DYNC1H1: variants seen among roughly 807,000 people sequenced by gnomAD.
The protein encoded by DYNC1H1 is dynein cytoplasmic 1 heavy chain 1.
A neutral mutation model predicts 527.1 loss-of-function variants in DYNC1H1; 51 were observed. That is an observed-to-expected ratio of 0.10 (90% CI 0.08 to 0.12). The LOEUF is 0.12. DYNC1H1 is among the 10% of genes least tolerant of loss of function. The pLI is 1.00. For synonymous variants in DYNC1H1, 2,189 were observed against 2,278.8 expected (o/e 0.96, Z 1.12); for missense variants, 2,771 against 5,971.8 (o/e 0.46, Z 17.66).
chr14:102,036,567 G>C lies in DYNC1H1; in HGVS notation c.10833G>C (p.Arg3611=), dbSNP rs35143882. 3.7e-5 allele frequency: 59 copies of C among 1,613,992 alleles called. No homozygotes were observed. The Middle Eastern group carries it at 8.2e-4, about 22-fold the overall frequency. ...MNEYKDRKIT[R]TSFLDDAFRK... ...AATATAAGGATCGTAAGATCACACG[G>C]ACCAGCTTCCTGGATGACGCCTTCA... The change falls in exon 57 of 78, where the codon CGG becomes CGC. Residue 3611 remains arginine, a synonymous_variant. Coordinates refer to ENST00000360184, the MANE Select transcript of DYNC1H1 (RefSeq NM_001376.5). This position sits in a 1 kb window ranked among gnomAD's most constrained non-coding sequence, Gnocchi z 5.6.
Position 102,041,171 on chromosome 14 carries a change from A to T in DYNC1H1, c.11942-403A>T. 5.7e-6 allele frequency: 2 copies of T among 352,558 alleles called. No homozygotes were observed. The highest frequency in any genetic ancestry group is 1.1e-5 in the Non-Finnish European group (2 of 184,134). The allele number at this position is 352,558 out of a possible 1,614,324, so 21.8% of individuals were successfully genotyped here. ...TTAACTGGCTGTATTCATGCTGCAG[A>T]CAGGAATGGAATGCCATCAGCCGTT... On this transcript the variant is annotated intron_variant, in intron 64 of 77. Transcript: ENST00000360184. This position sits in a 1 kb window ranked among gnomAD's most constrained non-coding sequence, Gnocchi z 4.5.
rs2048312590 is a variant in DYNC1H1 at position 102,015,729 on chromosome 14, G to A, written c.7243-127G>A. ...CACCAGGGTGAAGGAATGAGGACTGGTCATTGAAGCTTCATCCAAAATGAG... is the reference window on the plus strand; with the variant it reads ...CACCAGGGTGAAGGAATGAGGACTGATCATTGAAGCTTCATCCAAAATGAG... On this transcript the variant is annotated intron_variant, in intron 35 of 77. Coordinates refer to ENST00000360184, the MANE Select transcript of DYNC1H1 (RefSeq NM_001376.5). This position sits in a 1 kb window ranked among gnomAD's most constrained non-coding sequence, Gnocchi z 6.9. 2.8e-6 allele frequency: 3 copies of A among 1,058,062 alleles called. No individual in the cohort carries two copies. The highest frequency in any genetic ancestry group is 4.2e-6 in the Non-Finnish European group (3 of 710,778). The allele number at this position is 1,058,062 out of a possible 1,614,324, so 65.5% of individuals were successfully genotyped here. A position where few individuals can be genotyped will look rare whatever the true frequency, so the allele number is the denominator to read the frequency against.
chr14:101,985,091 T>C lies in DYNC1H1; in HGVS notation c.1462-596T>C, dbSNP rs1400226507. Among the ~76,000 whole-genome samples, 1 of 151,852 alleles carries C rather than the reference T, an allele frequency of 6.6e-6. No individual in the cohort carries two copies. The highest frequency in any genetic ancestry group is 6.6e-5 in the Admixed American group (1 of 15,258). On this transcript the variant is annotated intron_variant, in intron 7 of 77. Transcript: ENST00000360184. This position sits in a 1 kb window ranked among gnomAD's most constrained non-coding sequence, Gnocchi z 5.9. ...CCATCCAAATCTTTAGTGTTTTCCA[T>C]CCATTTATCCCTTCCTCCATCTTGG...
chr14:102,002,876 G>A lies in DYNC1H1; in HGVS notation c.4794G>A (p.Gln1598=). The A allele has an allele frequency of 6.2e-7, 1 of 1,614,262 alleles. No individual in the cohort carries two copies. The highest frequency in any genetic ancestry group is 1.3e-5 in the African/African-American group (1 of 75,074). The change falls in exon 23 of 78, where the codon CAG becomes CAA. Residue 1598 remains glutamine, a synonymous_variant. Coordinates refer to ENST00000360184, the MANE Select transcript of DYNC1H1 (RefSeq NM_001376.5). This position sits in a 1 kb window ranked among gnomAD's most constrained non-coding sequence, Gnocchi z 4.4. ...ATGTTCTGAACATCCAGGGAGTACAGAGGTCTCTGGAAAGATTGGCAGACC... is the reference window on the plus strand; with the variant it reads ...ATGTTCTGAACATCCAGGGAGTACAAAGGTCTCTGGAAAGATTGGCAGACC... The part of the protein sequence containing the change: ...VMDVLNIQGV[Q]RSLERLADLL...
Position 102,001,304 on chromosome 14 carries a change from G to A in DYNC1H1, c.4345G>A (p.Val1449Ile), listed in dbSNP as rs754025510. Reference sequence around the variant, plus strand: ...GAAAAATGAAGCGATTGTCAAGGATGTACTGCTTGTGGCACAAGGGGAGAT... The same window carrying A: ...GAAAAATGAAGCGATTGTCAAGGATATACTGCTTGTGGCACAAGGGGAGAT... ...LQKNEAIVKD[V>I]LLVAQGEMAL... The change falls in exon 20 of 78, where the codon GTA becomes ATA. Residue 1449 changes from valine to isoleucine, a missense_variant. Around this residue, in one of 32 missense-constraint regions of DYNC1H1, gnomAD observed 223 missense variants for 462.5 expected, o/e 0.48. Coordinates refer to ENST00000360184, the MANE Select transcript of DYNC1H1 (RefSeq NM_001376.5). This position sits in a 1 kb window ranked among gnomAD's most constrained non-coding sequence, Gnocchi z 5.0. 4.3e-6 allele frequency: 7 copies of A among 1,614,204 alleles called. No individual in the cohort carries two copies. In the South Asian group the frequency reaches 6.6e-5, roughly 15 times the overall value.
rs764842673 is a variant in DYNC1H1, at chr14:101,983,051, T to C, written c.994T>C (p.Tyr332His). 5 of 1,614,116 alleles carry C rather than the reference T, an allele frequency of 3.1e-6. No individual in the cohort carries two copies. In the Admixed American group the frequency reaches 5.0e-5, roughly 16 times the overall value. The part of the protein sequence containing the change: ...LKQALETVND[Y>H]NPLMKDFPLN... The stretch of plus-strand genomic sequence containing the variant: ...ACAGGCTTTGGAAACTGTGAATGAC[T>C]ACAATCCTCTGATGAAAGATTTCCC... The change falls in exon 6 of 78, where the codon TAC (tyrosine) becomes CAC (histidine). Residue 332 changes from tyrosine (Y) to histidine (H), a missense_variant. Coordinates refer to ENST00000360184, the MANE Select transcript of DYNC1H1 (RefSeq NM_001376.5). This position sits in a 1 kb window ranked among gnomAD's most constrained non-coding sequence, Gnocchi z 5.3.
chr14:102,032,832 G>C, intron 52 of DYNC1H1: 1 of 585,764 alleles, frequency 1.7e-6, no homozygotes, highest in Non-Finnish European at 3.0e-6. Flanking sequence ...CAGCCTGGGT[G>C]ACAGAGAAAA....
At chr14:102,031,579 T>C (rs1052775559) in intron 51 of DYNC1H1, among the ~76,000 whole-genome samples, 6 of 152,190 alleles carry the variant, frequency 3.9e-5, no homozygotes, top group Non-Finnish European at 7.3e-5. Flanking sequence ...TCCCTCTAAA[T>C]TGTAGCAAAT....
Position 102,017,738 on chromosome 14 carries a change from G to A in DYNC1H1, c.8177+234G>A, listed in dbSNP as rs1433944359. 2 of 660,482 alleles carry A rather than the reference G, an allele frequency of 3.0e-6. No homozygotes were observed. The highest frequency in any genetic ancestry group is 4.9e-6 in the Non-Finnish European group (2 of 406,442). The allele number at this position is 660,482 out of a possible 1,614,324, so 40.9% of individuals were successfully genotyped here. On this transcript the variant is annotated intron_variant, in intron 40 of 77. Coordinates refer to ENST00000360184, the MANE Select transcript of DYNC1H1 (RefSeq NM_001376.5). This position sits in a 1 kb window ranked among gnomAD's most constrained non-coding sequence, Gnocchi z 4.6. Reference sequence around the variant, plus strand: ...TCCCAGCACTTTGGGAGGCCGAGGCGGGCGGATCACGAGGTCAGGAGATTG... The same window carrying A: ...TCCCAGCACTTTGGGAGGCCGAGGCAGGCGGATCACGAGGTCAGGAGATTG...
Position 102,042,803 on chromosome 14 carries a change from C to T in DYNC1H1, c.12513+55C>T. 1 of 1,594,788 alleles carries T rather than the reference C, an allele frequency of 6.3e-7. No homozygotes were observed. Among genetic ancestry groups the T allele is most frequent in the African/African-American group, 1.3e-5 (1 of 74,560 alleles). ...CCCCATAGAAGCTAAAGCCCAGTCC[C>T]ATCACCAAATGCAGAAGTGGGTCCC... On this transcript the variant is annotated intron_variant, in intron 69 of 77. Transcript: ENST00000360184. This position sits in a 1 kb window ranked among gnomAD's most constrained non-coding sequence, Gnocchi z 5.7.
In DYNC1H1 at chr14:102,027,973, A is replaced by G. The variant is rs148753855; in HGVS notation, c.9300A>G (p.Glu3100=). Residue 3100 remains glutamate (E), a synonymous_variant, in exon 48 of 78, where the codon GAA becomes GAG. Transcript: ENST00000360184. This position sits in a 1 kb window ranked among gnomAD's most constrained non-coding sequence, Gnocchi z 7.7. ...VLNWFGDWST[E]ALYQVGKEFT... ...ATTGGTTTGGAGACTGGTCCACCGA[A>G]GCACTGTATCAGGTTGGCAAAGAAT... is the stretch of plus-strand genomic sequence containing the variant. 4.4e-5 allele frequency: 71 copies of G among 1,614,038 alleles called. No homozygotes were observed. The highest frequency in any genetic ancestry group is 5.7e-5 in the Non-Finnish European group (67 of 1,180,026).
chr14:102,026,531 C>T, intron 43 of DYNC1H1, 43 bp from the exon 44 acceptor site: 4 of 1,611,562 alleles, frequency 2.5e-6, no homozygotes, highest in Non-Finnish European at 3.4e-6. Context: ...TAATAACTAA[C>T]ATTTTTTTCT....
chr14:102,032,807 C>G (rs1421988242), intron 52 of DYNC1H1: 1 of 566,664 alleles, frequency 1.8e-6, no homozygotes, highest in Non-Finnish European at 3.1e-6. Flanking sequence ...GAACCGAGAT[C>G]ACACCACCGC....
intron 69 of DYNC1H1, chr14:102,043,226 G>A (rs2048673926): frequency 3.7e-6 from 1 of 271,930 alleles, no homozygotes. Flanking sequence ...GAGGTTGGCA[G>A]TGAGCTGAGA....
At chr14:102,048,272 C>T (rs533029804) in intron 73 of DYNC1H1, 7 of 713,228 alleles carry the variant, frequency 9.8e-6, no homozygotes, top group Admixed American at 2.7e-5. Context: ...AGCGAGCAGC[C>T]GCAGCCCTTC....
chr14:101,986,556 T>C lies in DYNC1H1; in HGVS notation c.2331T>C (p.Phe777=), dbSNP rs1186857563. The C allele has an allele frequency of 5.0e-6, 8 of 1,614,070 alleles. No individual in the cohort carries two copies. Among genetic ancestry groups the C allele is most frequent in the African/African-American group, 1.3e-5 (1 of 74,930 alleles). ...KAHQANQLYP[F]AISLIESVRT... ...ATCAAGCAAACCAGCTTTACCCGTT[T>C]GCCATCTCACTGATCGAGAGCGTTC... The change falls in exon 8 of 78, where the codon TTT becomes TTC. Residue 777 remains phenylalanine (F), a synonymous_variant. Transcript: ENST00000360184. The surrounding 1 kb of genome is among the most constrained non-coding windows in gnomAD (Gnocchi z 8.7).
chr14:102,040,756 A>AAGTT, intron 64 of DYNC1H1, 83 bp downstream of exon 64: 1 of 1,514,444 alleles, frequency 6.6e-7, no homozygotes, highest in African/African-American at 1.4e-5. Flanking sequence ...AAAAAACACA[A>AAGTT]AGTTACTAGC....
rs539854275 is a variant in DYNC1H1, at chr14:102,033,920, C to T, written c.10414-56C>T. The T allele has an allele frequency of 2.7e-5, 43 of 1,575,634 alleles. No individual in the cohort carries two copies. Among genetic ancestry groups the T allele is most frequent in the East Asian group, 1.3e-4 (6 of 44,712 alleles). ...TGTGGATGAACCGATTTGCAGGATTCGGTATAAATCCTGAAAGGCCTCATC... is the reference window on the plus strand; with the variant it reads ...TGTGGATGAACCGATTTGCAGGATTTGGTATAAATCCTGAAAGGCCTCATC... On this transcript the variant is annotated intron_variant, in intron 54 of 77. Transcript: ENST00000360184. The surrounding 1 kb of genome is among the most constrained non-coding windows in gnomAD (Gnocchi z 5.6).
In DYNC1H1 at chr14:102,017,190, G is replaced by T. The variant is rs1240479409; in HGVS notation, c.7951G>T (p.Ala2651Ser). 6.2e-7 allele frequency: 1 copy of T among 1,614,090 alleles called. No individual in the cohort carries two copies. Among genetic ancestry groups the T allele is most frequent in the African/African-American group, 1.3e-5 (1 of 74,920 alleles). The change falls in exon 39 of 78, where the codon GCT becomes TCT. Residue 2651 changes from alanine to serine, a missense_variant. Physicochemically the swap from Ala to Ser is moderately conservative, Grantham distance 99. Transcript: ENST00000360184. This position sits in a 1 kb window ranked among gnomAD's most constrained non-coding sequence, Gnocchi z 4.6. ...GCGCACACCTAATGGGGTGGTTTTG[G>T]CTCCTGTTCAACTTGGAAAGTGGCT... ...YRRTPNGVVLAPVQLGKWLVL... is the reference protein window; with the variant it reads ...YRRTPNGVVLSPVQLGKWLVL...
Sources: gnomAD v4.1 joint callset for allele counts (sites outside exome capture counted in the v4.1 genomes callset) on GRCh38, gnomAD v4.1.1 for gene constraint, gnomAD v4.1.1 regional missense constraint, Gnocchi (gnomAD v3.1) non-coding constraint, MANE v1.5 for transcripts, NCBI Gene and HGNC (gene_info 2026-07-23, HGNC 2026-07-21) for gene names.